Variants in MYO5A observed in about 807,000 individuals in gnomAD.
The protein encoded by MYO5A is unconventional myosin-Va.
Under a neutral mutation model 249.7 loss-of-function variants are expected in MYO5A, and 98 were observed. The observed-to-expected ratio is 0.39, with a 90% confidence interval of 0.33 to 0.46. MYO5A has a LOEUF of 0.46. Among genes scored for constraint, MYO5A ranks in the 20% least tolerant of loss-of-function variants. The pLI, the probability that MYO5A is intolerant of heterozygous loss-of-function variation, is 0.98. For missense variants in MYO5A, 1,696 were observed against 2,308.8 expected (o/e 0.73, Z 5.44); for synonymous variants, 778 against 810.6 (o/e 0.96, Z 0.68).
intron 13 of MYO5A, 150 bp from the exon 14 acceptor site, chr15:52,388,062 T>C: frequency 1.5e-6 from 1 of 661,904 alleles, no homozygotes; most frequent in Non-Finnish European, 2.6e-6. Flanking sequence ...ACCAAGGCCA[T>C]TCCTGGTAAG....
chr15:52,346,811 T>G (rs2039658607), intron 29 of MYO5A, among the ~76,000 whole-genome samples: 1 of 151,230 alleles, frequency 6.6e-6, no homozygotes, highest in African/African-American at 2.4e-5. Context: ...TAATATAGTA[T>G]ATACAGCATT....
At chr15:52,343,094 C>G (rs1043179093) in intron 31 of MYO5A, 23 bp downstream of exon 31, 1 of 1,584,100 alleles carries the variant, frequency 6.3e-7, no homozygotes, top group Non-Finnish European at 8.7e-7. Context: ...AATAACATTC[C>G]ATTTTGAGGA....
chr15:52,469,401 A>C (rs2076413320), intron 1 of MYO5A, among the ~76,000 whole-genome samples: 1 of 152,200 alleles, frequency 6.6e-6, no homozygotes, highest in African/African-American at 2.4e-5. Context: ...CAAAAGGAAA[A>C]GAATATATTT....
At chr15:52,330,207 A>G (rs2038822807) in intron 35 of MYO5A, 146 bp downstream of exon 35, 1 of 1,100,282 alleles carries the variant, frequency 9.1e-7, no homozygotes, top group South Asian at 1.3e-5. Flanking sequence ...TGGTGTGGTC[A>G]GAACACTACT....
intron 8 of MYO5A, among the ~76,000 whole-genome samples, chr15:52,406,744 G>A (rs141521169): frequency 6.5e-4 from 99 of 152,028 alleles, no homozygotes; most frequent in African/African-American, 2.2e-3. Context: ...AGTGACATCT[G>A]AGCTGCTTCA....
In MYO5A at chr15:52,441,335, T is replaced by G. The variant is rs2075781454; in HGVS notation, c.28-8050A>C. Among the ~76,000 whole-genome samples, 3 of 152,142 alleles carry G rather than the reference T, an allele frequency of 2.0e-5. No homozygotes were observed. In the South Asian group the frequency reaches 6.2e-4, roughly 32 times the overall value. On this transcript the variant is annotated intron_variant, in intron 1 of 41. Transcript: ENST00000399233. ...GGATGTGTGTGTGTGTGTCTGCATGTGTGTGTATACATAAATAATTTGTTG... is the reference window on the plus strand; with the variant it reads ...GGATGTGTGTGTGTGTGTCTGCATGGGTGTGTATACATAAATAATTTGTTG...
At position 52,383,162 on chromosome 15, in the gene MYO5A, C is replaced by T; in HGVS notation, c.1941G>A (p.Met647Ile). 1.2e-6 allele frequency: 2 copies of T among 1,613,950 alleles called. No homozygotes were observed. Among genetic ancestry groups the T allele is most frequent in the Non-Finnish European group, 8.5e-7 (1 of 1,179,892 alleles). The change falls in exon 16 of 42, where the codon ATG becomes ATA. Residue 647 changes from methionine to isoleucine, a missense_variant. Met to Ile is a conservative substitution (Grantham distance 10). Coordinates refer to ENST00000399233, the MANE Select transcript of MYO5A (RefSeq NM_001382347.1). ...HQFRNSLHLLMETLNATTPHY... is the reference protein window; with the variant it reads ...HQFRNSLHLLIETLNATTPHY... ...GAGGGGTAGTGGCATTGAGTGTCTC[C>T]ATAAGCAGGTGCAGGGAGTTTCTGA...
intron 1 of MYO5A, among the ~76,000 whole-genome samples, chr15:52,489,518 C>T (rs1274405391): frequency 6.7e-6 from 1 of 149,246 alleles, no homozygotes; most frequent in Non-Finnish European, 1.5e-5. Flanking sequence ...GAGCCAAGAT[C>T]GTGCCAGGGC....
intron 30 of MYO5A, among the ~76,000 whole-genome samples, 176 bp from the exon 31 acceptor site, chr15:52,343,373 G>A (rs1261161317): frequency 6.6e-6 from 1 of 152,190 alleles, no homozygotes; most frequent in Non-Finnish European, 1.5e-5. Flanking sequence ...TTAAAAATGA[G>A]TAACATGTAG....
At chr15:52,494,900 C>G (rs1330608203) in intron 1 of MYO5A, among the ~76,000 whole-genome samples, 5 of 152,170 alleles carry the variant, frequency 3.3e-5, no homozygotes, top group African/African-American at 1.2e-4. Flanking sequence ...GCAAGAACAG[C>G]TATTGCATAG....
intron 19 of MYO5A, 79 bp downstream of exon 19, chr15:52,376,268 G>T: frequency 1.5e-6 from 2 of 1,341,230 alleles, no homozygotes; most frequent in Non-Finnish European, 2.1e-6. Flanking sequence ...TATCTTTTCA[G>T]CTATGGTGAC....
intron 1 of MYO5A, among the ~76,000 whole-genome samples, chr15:52,462,947 G>T (rs1380893980): frequency 6.6e-6 from 1 of 152,128 alleles, no homozygotes; most frequent in Non-Finnish European, 1.5e-5. Context: ...ACAGCCCTAA[G>T]ATGTTAAGTG....
chr15:52,343,287 C>T, intron 30 of MYO5A, 90 bp from the exon 31 acceptor site: 1 of 1,061,278 alleles, frequency 9.4e-7, no homozygotes, highest in Admixed American at 1.8e-5. Flanking sequence ...TGCAGTATTT[C>T]AACATTTTAT....
intron 5 of MYO5A, among the ~76,000 whole-genome samples, chr15:52,415,355 A>G (rs1454426894): frequency 6.6e-6 from 1 of 152,232 alleles, no homozygotes; most frequent in East Asian, 1.9e-4. Flanking sequence ...ATAACTTTCC[A>G]AAAATCTTAT....
chr15:52,399,186 C>A (rs1336964359), intron 9 of MYO5A, among the ~76,000 whole-genome samples: 1 of 152,164 alleles, frequency 6.6e-6, no homozygotes, highest in African/African-American at 2.4e-5. Flanking sequence ...ATCTCCCACT[C>A]TGATAGCAAA....
intron 40 of MYO5A, among the ~76,000 whole-genome samples, chr15:52,316,725 C>G (rs1232603254): frequency 6.6e-6 from 1 of 152,188 alleles, no homozygotes; most frequent in Non-Finnish European, 1.5e-5. Context: ...GGAATATAAG[C>G]TGCATAGACT....
At chr15:52,355,375 G>A (rs960792249) in intron 25 of MYO5A, among the ~76,000 whole-genome samples, 4 of 152,148 alleles carry the variant, frequency 2.6e-5, no homozygotes, top group Admixed American at 6.5e-5. Context: ...TTTACTGTTA[G>A]AATATTTACT....
At chr15:52,450,879 AC>A (rs2076008233) in intron 1 of MYO5A, among the ~76,000 whole-genome samples, 1 of 81,386 alleles carries the variant, frequency 1.2e-5, no homozygotes, top group African/African-American at 5.4e-5. Context: ...ACAGGGTCTC[AC>A]TCTGTTGCCC....
At chr15:52,352,368 G>C (rs529143756) in intron 27 of MYO5A, among the ~76,000 whole-genome samples, 6 of 152,330 alleles carry the variant, frequency 3.9e-5, no homozygotes, top group Non-Finnish European at 7.3e-5. Context: ...ATTTAGCACA[G>C]GACACAAGGC....
Sources: allele counts gnomAD v4.1 joint callset (sites outside exome capture counted in the v4.1 genomes callset), GRCh38; gene constraint gnomAD v4.1.1; transcripts MANE v1.5; gene names NCBI Gene and HGNC (gene_info 2026-07-23, HGNC 2026-07-21).